The following NEBL variants were observed in gnomAD, a reference collection of about 807,000 sequenced individuals.
NEBL encodes the protein nebulette, also known as LIM and SH3 protein 2.
NEBL carries 122 observed loss-of-function variants against 140.2 expected under a neutral mutation model. The observed-to-expected ratio is 0.87, with a 90% CI of 0.75 to 1.01. NEBL has a LOEUF of 1.01. Ranked by LOEUF, NEBL falls within the 50% of genes least tolerant of loss-of-function variation. The pLI is 0.00. For synonymous variants in NEBL, 436 were observed against 398.9 expected (o/e 1.09, Z -1.11); for missense variants, 1,365 against 1,231.3 (o/e 1.11, Z -1.62).
chr10:20,905,520 AG>A (rs1186991534), intron 4 of NEBL, among the ~76,000 whole-genome samples: 1 of 152,126 alleles, frequency 6.6e-6, no homozygotes, highest in Non-Finnish European at 1.5e-5. Context: ...TCACAACAGC[AG>A]CATGTGGGAA....
chr10:21,243,703 A>T (rs935623058), intron 3 of NEBL, among the ~76,000 whole-genome samples: 2 of 152,158 alleles, frequency 1.3e-5, no homozygotes, highest in Non-Finnish European at 1.5e-5. Context: ...CTTTATCCCC[A>T]TGAGGTAGGG....
At chr10:20,915,046 A>G (rs1406937550) in intron 4 of NEBL, among the ~76,000 whole-genome samples, 1 of 142,096 alleles carries the variant, frequency 7.0e-6, no homozygotes, top group Non-Finnish European at 1.5e-5. Flanking sequence ...CAGGTGATCC[A>G]CCCACCTCAG....
chr10:21,233,878 C>A (rs1588544933), intron 3 of NEBL, among the ~76,000 whole-genome samples: 1 of 132,894 alleles, frequency 7.5e-6, no homozygotes. Context: ...CATATATATG[C>A]ATATATAGAT....
intron 2 of NEBL, among the ~76,000 whole-genome samples, chr10:21,168,604 T>C (rs1211309560): frequency 6.6e-6 from 1 of 152,172 alleles, no homozygotes; most frequent in Non-Finnish European, 1.5e-5. Flanking sequence ...TATAAGATGT[T>C]ATAATAATGC....
intron 1 of NEBL, among the ~76,000 whole-genome samples, chr10:21,260,754 A>G (rs988554620): frequency 6.6e-6 from 1 of 152,160 alleles, no homozygotes; most frequent in Admixed American, 6.6e-5. Context: ...AAGAGAAAAA[A>G]TGTTGCCCCT....
intron 2 of NEBL, among the ~76,000 whole-genome samples, chr10:21,098,549 T>A (rs922414594): frequency 6.6e-6 from 1 of 152,202 alleles, no homozygotes; most frequent in Non-Finnish European, 1.5e-5. Flanking sequence ...ATTCTGGACA[T>A]CTTACTGCTA....
intron 6 of NEBL, 101 bp from the exon 7 acceptor site, chr10:20,868,866 A>C: frequency 8.8e-6 from 7 of 795,060 alleles, no homozygotes; most frequent in African/African-American, 1.7e-5. Context: ...CCTTCATCTC[A>C]TTAATATTCC....
At chr10:21,166,239 AAAAAAAGAAAAGAAAAAAAAAT>A (rs1283590117) in intron 2 of NEBL, among the ~76,000 whole-genome samples, 1 of 107,406 alleles carries the variant, frequency 9.3e-6, no homozygotes, top group Admixed American at 9.1e-5. Flanking sequence ...AAAAAAAAAA[AAAAAAAGAAAAGAAAAAAAAAT>A]TTTCTACATC....
intron 2 of NEBL, among the ~76,000 whole-genome samples, chr10:21,065,438 G>C (rs1398318865): frequency 6.6e-6 from 1 of 152,200 alleles, no homozygotes. Context: ...GAAAAACAGG[G>C]AATATATGAT....
chr10:21,075,637 G>A (rs1018418077), intron 2 of NEBL, among the ~76,000 whole-genome samples: 3 of 152,168 alleles, frequency 2.0e-5, no homozygotes, highest in Non-Finnish European at 4.4e-5. Flanking sequence ...TCTGTCTAGA[G>A]GGAGGCCCTC....
intron 26 of NEBL, among the ~76,000 whole-genome samples, chr10:20,798,070 C>G (rs1459651995): frequency 6.6e-6 from 1 of 150,898 alleles, no homozygotes; most frequent in East Asian, 1.9e-4. Context: ...CCCCTGCACT[C>G]CAGCCCCTAG....
At chr10:20,788,540 AATTAT>A (rs1488564591) in intron 26 of NEBL, among the ~76,000 whole-genome samples, 8 of 152,154 alleles carry the variant, frequency 5.3e-5, no homozygotes, top group Non-Finnish European at 1.0e-4. Context: ...TCCAGATGAT[AATTAT>A]ATTAGATTGA....
rs180973517 is a variant in NEBL, at chr10:21,257,979, C to T, written n.183-6151G>A. On this transcript the variant is annotated intron_variant and non_coding_transcript_variant, in intron 1 of 8. Coordinates refer to the NEBL transcript ENST00000675702. ...AATATCTTTAAGTCTAGATTACATG[C>T]TTTCTTGGTTTGGGTTCTCCCAAGA... Among the ~76,000 whole-genome samples, 106 of 152,144 alleles carry T rather than the reference C, an allele frequency of 7.0e-4. No homozygotes were observed. The Middle Eastern group carries it at 0.014, about 20-fold the overall frequency.
chr10:21,137,082 G>C (rs539425250), intron 2 of NEBL, among the ~76,000 whole-genome samples: 20 of 152,360 alleles, frequency 1.3e-4, no homozygotes, highest in Non-Finnish European at 2.5e-4. Flanking sequence ...CTACAGGGAA[G>C]TGATTAAAGC....
chr10:21,173,846 C>CG lies in NEBL; in HGVS notation c.-14dup, dbSNP rs1225012807. The stretch of plus-strand genomic sequence containing the variant: ...ACTGGGGGTTCATGATCGCGGTTCC[C>CG]GGGGGCGGCGGCGGCGGCGGCTGCT... On this transcript the variant is annotated 5_prime_UTR_variant, in exon 1 of 7. Coordinates refer to the NEBL transcript ENST00000417816. The surrounding 1 kb of genome is among the most constrained non-coding windows in gnomAD (Gnocchi z 5.7). The CG allele has an allele frequency of 2.5e-6, 4 of 1,609,666 alleles. No individual in the cohort carries two copies. The highest frequency in any genetic ancestry group is 1.7e-4 in the Middle Eastern group (1 of 6,054).
chr10:21,031,179 C>T (rs139346039), intron 2 of NEBL, among the ~76,000 whole-genome samples: 1 of 152,182 alleles, frequency 6.6e-6, no homozygotes, highest in African/African-American at 2.4e-5. Flanking sequence ...AACAGCATGT[C>T]ACTAGGGTGG....
At chr10:20,831,365 T>C in intron 15 of NEBL, 59 bp from the exon 16 acceptor site, 1 of 1,521,496 alleles carries the variant, frequency 6.6e-7, no homozygotes, top group Non-Finnish European at 9.1e-7. Context: ...GATGTTGAAA[T>C]TTACATGTTT....
In NEBL at chr10:20,845,338, T is replaced by C; in HGVS notation, c.1147A>G (p.Ile383Val). Residue 383 changes from isoleucine (I) to valine (V), a missense_variant, in exon 12 of 28, where the codon ATT (isoleucine) becomes GTT (valine). By Grantham distance (29) the Ile-to-Val change is conservative. This residue lies in a region of NEBL where 1,323 missense variants were observed against 1,154.8 expected (regional missense o/e 1.15). Transcript: ENST00000377122. ...AAATCCAGTGATGACCTTCCTTTAA[T>C]CTCCTTCTCAAAATCCTCTTTGTAA... The part of the protein sequence containing the change: ...KVYKEDFEKE[I>V]KGRSSLDLDK... The C allele has an allele frequency of 1.2e-6, 2 of 1,603,614 alleles. No homozygotes were observed. The highest frequency in any genetic ancestry group is 1.7e-6 in the Non-Finnish European group (2 of 1,170,924).
intron 4 of NEBL, among the ~76,000 whole-genome samples, chr10:20,932,183 G>A (rs892365446): frequency 2.0e-5 from 3 of 151,974 alleles, no homozygotes; most frequent in Non-Finnish European, 4.4e-5. Context: ...CCTGTCTCCC[G>A]TACTCATATA....
Sources: allele counts gnomAD v4.1 joint callset (sites outside exome capture counted in the v4.1 genomes callset), GRCh38; gene constraint gnomAD v4.1.1; regional missense constraint gnomAD v4.1.1; non-coding constraint Gnocchi (gnomAD v3.1); transcripts MANE v1.5; gene names NCBI Gene and HGNC (gene_info 2026-07-23, HGNC 2026-07-21).